Variants in PREP observed in about 807,000 individuals in gnomAD.
The protein encoded by PREP is prolyl endopeptidase.
A neutral mutation model predicts 87.6 loss-of-function variants in PREP; 29 were observed. The ratio of observed to expected loss-of-function variants is 0.33; its 90% CI spans 0.25 to 0.45. The LOEUF (loss-of-function observed/expected upper bound fraction) is 0.45. Ranked by LOEUF, PREP falls within the 20% of genes least tolerant of loss-of-function variation. PREP has a pLI of 1.00. For missense variants in PREP, 695 were observed against 886.5 expected, an observed-to-expected ratio of 0.78 and a Z score of 2.74; for synonymous variants, 337 against 328.6, an observed-to-expected ratio of 1.03 and a Z score of -0.28.
intron 6 of PREP, among the ~76,000 whole-genome samples, chr6:105,355,099 T>G (rs1442712895): frequency 1.1e-4 from 17 of 151,032 alleles, no homozygotes; most frequent in Admixed American, 1.1e-3. Flanking sequence ...GTAGTTTTTT[T>G]TTTTTTTTTT....
At chr6:105,376,104 G>A in intron 4 of PREP, 21 bp downstream of exon 4, 3 of 1,604,710 alleles carry the variant, frequency 1.9e-6, no homozygotes, top group Non-Finnish European at 2.6e-6. Flanking sequence ...AGTTCCACGG[G>A]CCTCTCTGTG....
intron 1 of PREP, among the ~76,000 whole-genome samples, chr6:105,400,224 T>C (rs183196811): frequency 2.1e-4 from 32 of 152,300 alleles, no homozygotes; most frequent in Admixed American, 1.2e-3. Flanking sequence ...CTTGATCTCC[T>C]CAAGAAGCTT....
chr6:105,335,631 C>T (rs1225961861), intron 7 of PREP, among the ~76,000 whole-genome samples: 2 of 152,134 alleles, frequency 1.3e-5, no homozygotes, highest in African/African-American at 4.8e-5. Context: ...GTGGCTCACA[C>T]CTGTAATCCC....
chr6:105,366,702 A>G (rs1334587624), intron 6 of PREP, among the ~76,000 whole-genome samples: 2 of 149,120 alleles, frequency 1.3e-5, no homozygotes, highest in African/African-American at 5.1e-5. Flanking sequence ...CCCAGGGATG[A>G]ATGGATAAAT....
intron 10 of PREP, among the ~76,000 whole-genome samples, chr6:105,299,280 C>T (rs891965806): frequency 1.3e-5 from 2 of 152,182 alleles, no homozygotes; most frequent in African/African-American, 4.8e-5. Flanking sequence ...TTACAAATGA[C>T]AAAATAAGAT....
At chr6:105,357,706 C>T (rs1194338024) in intron 6 of PREP, among the ~76,000 whole-genome samples, 1 of 152,106 alleles carries the variant, frequency 6.6e-6, no homozygotes, top group African/African-American at 2.4e-5. Context: ...CACACCCAGA[C>T]TATTTCAAGG....
chr6:105,341,423 C>T (rs918960347), intron 7 of PREP, among the ~76,000 whole-genome samples: 2 of 152,126 alleles, frequency 1.3e-5, no homozygotes, highest in African/African-American at 4.8e-5. Flanking sequence ...TAAATGCCCA[C>T]AAGAGAAAGC....
chr6:105,337,061 G>A (rs1018763653), intron 7 of PREP, among the ~76,000 whole-genome samples: 1 of 151,708 alleles, frequency 6.6e-6, no homozygotes, highest in Non-Finnish European at 1.5e-5. Flanking sequence ...ATCCTTCCAA[G>A]CTTCTTGTTT....
chr6:105,300,674 A>C (rs1184113941), intron 10 of PREP, among the ~76,000 whole-genome samples: 1 of 152,204 alleles, frequency 6.6e-6, no homozygotes, highest in Non-Finnish European at 1.5e-5. Context: ...AAAGTACATA[A>C]GTCTAAAGTT....
In PREP at chr6:105,275,501, T is replaced by C. The variant is rs1035937156; in HGVS notation, c.*2643A>G. Among the ~76,000 whole-genome samples the C allele has an allele frequency of 6.6e-6, 1 of 152,192 alleles. No individual in the cohort carries two copies. Among genetic ancestry groups the C allele is most frequent in the Non-Finnish European group, 1.5e-5 (1 of 68,026 alleles). On this transcript the variant is annotated 3_prime_UTR_variant, in exon 15 of 15. Coordinates refer to ENST00000652536, the MANE Select transcript of PREP (RefSeq NM_002726.5). Reference sequence around the variant, plus strand: ...AAGCAGTGAGGCCACCTGTGCAACATGTACAACTTTTTCTTTTTCAAAACA... The same window carrying C: ...AAGCAGTGAGGCCACCTGTGCAACACGTACAACTTTTTCTTTTTCAAAACA...
In PREP at chr6:105,328,850, A is replaced by C; in HGVS notation, c.1192T>G (p.Phe398Val). Residue 398 changes from phenylalanine to valine, a missense_variant, in exon 9 of 15, where the codon TTT (phenylalanine) becomes GTT (valine). Phe to Val is a conservative substitution (Grantham distance 50). Transcript: ENST00000652536. ...TTACCTGGAGATAAAAAGGAAGTAA[A>C]CTGATAGAAGATTTCAGTGTCCTTC... is the stretch of plus-strand genomic sequence containing the variant. ...QKKDTEIFYQ[F>V]TSFLSPGIIY... The C allele has an allele frequency of 1.9e-6, 3 of 1,614,186 alleles. No individual in the cohort carries two copies. The highest frequency in any genetic ancestry group is 2.5e-6 in the Non-Finnish European group (3 of 1,180,028).
intron 4 of PREP, among the ~76,000 whole-genome samples, chr6:105,373,981 T>C (rs1440050750): frequency 6.6e-6 from 1 of 152,232 alleles, no homozygotes; most frequent in Non-Finnish European, 1.5e-5. Flanking sequence ...GACTGAATTA[T>C]GACACATACC....
At chr6:105,399,351 G>T (rs1023574448) in intron 1 of PREP, among the ~76,000 whole-genome samples, 3 of 152,160 alleles carry the variant, frequency 2.0e-5, no homozygotes, top group African/African-American at 7.2e-5. Context: ...CTGGCTGGGT[G>T]AGAACAATCT....
At chr6:105,296,810 C>T (rs911006243) in intron 10 of PREP, among the ~76,000 whole-genome samples, 2 of 151,570 alleles carry the variant, frequency 1.3e-5, no homozygotes, top group African/African-American at 4.9e-5. Flanking sequence ...TTATTGCCTC[C>T]TCTTCCTTCT....
intron 1 of PREP, among the ~76,000 whole-genome samples, chr6:105,402,443 C>CACACAA (rs1356389523): frequency 5.3e-5 from 8 of 150,798 alleles, no homozygotes; most frequent in Non-Finnish European, 3.0e-5. Flanking sequence ...CACACACACA[C>CACACAA]ACACAAACAC....
At chr6:105,298,080 T>C (rs1238187751) in intron 10 of PREP, 1 of 152,234 alleles carries the variant, frequency 6.6e-6, no homozygotes, top group Non-Finnish European at 1.5e-5. Flanking sequence ...AAAGCTTCTT[T>C]CCTTAATTTC....
chr6:105,367,309 A>T (rs1187513886), intron 6 of PREP, among the ~76,000 whole-genome samples: 1 of 152,208 alleles, frequency 6.6e-6, no homozygotes, highest in Non-Finnish European at 1.5e-5. Context: ...ACAGTCTCCA[A>T]ATAGATCTCA....
chr6:105,301,345 C>A (rs994252863), intron 10 of PREP, among the ~76,000 whole-genome samples: 27 of 152,238 alleles, frequency 1.8e-4, no homozygotes, highest in African/African-American at 6.3e-4. Flanking sequence ...AGGAGCAGAA[C>A]TGCTCTGAGT....
At chr6:105,384,490 G>A (rs530203322) in intron 2 of PREP, among the ~76,000 whole-genome samples, 2 of 152,132 alleles carry the variant, frequency 1.3e-5, no homozygotes, top group African/African-American at 2.4e-5. Flanking sequence ...TCTTGGTACC[G>A]CTCGCTTGTA....
Sources: gnomAD v4.1 joint callset for allele counts (sites outside exome capture counted in the v4.1 genomes callset) on GRCh38, gnomAD v4.1.1 for gene constraint, MANE v1.5 for transcripts, NCBI Gene and HGNC (gene_info 2026-07-23, HGNC 2026-07-21) for gene names.